The following SGCD variants were observed in gnomAD, a reference collection of about 807,000 sequenced individuals.
The protein encoded by SGCD is delta-sarcoglycan.
In SGCD, 18 loss-of-function variants were observed where a neutral mutation model predicts 36.6. That is an observed-to-expected ratio of 0.49 (90% CI 0.34 to 0.73). The LOEUF is 0.73. Among genes scored for constraint, SGCD ranks in the 30% least tolerant of loss-of-function variants. The probability of loss-of-function intolerance (pLI) is 0.01; values close to 1 mark genes in which losing one functional copy is unlikely to be tolerated. For synonymous variants in SGCD, 133 were observed against 130.6 expected, an observed-to-expected ratio of 1.02 and a Z score of -0.12; for missense variants, 387 against 346.7, an observed-to-expected ratio of 1.12 and a Z score of -0.92.
intron 7 of SGCD, among the ~76,000 whole-genome samples, chr5:156,725,028 T>A (rs748005118): frequency 6.6e-6 from 1 of 152,208 alleles, no homozygotes; most frequent in East Asian, 1.9e-4. Context: ...AGAAATGGAA[T>A]CCTAGGTAGT....
chr5:156,286,349 A>G lies in SGCD; in HGVS notation c.-43-43185A>G, dbSNP rs188482550. Among the ~76,000 whole-genome samples the G allele has an allele frequency of 7.3e-3, 1,111 of 152,352 alleles. 10 individuals are homozygous for G. Among genetic ancestry groups the G allele is most frequent in the African/African-American group, 0.026 (1,076 of 41,590 alleles). On this transcript the variant is annotated intron_variant, in intron 3 of 9. Coordinates refer to the SGCD transcript ENST00000517913. ...GTATATACCCAAAGGATTATAAATC[A>G]TGCTGCTATAAAGACACATGCACAC...
intron 3 of SGCD, among the ~76,000 whole-genome samples, chr5:156,375,100 C>G (rs546028294): frequency 3.9e-4 from 59 of 152,238 alleles, no homozygotes; most frequent in Non-Finnish European, 6.2e-4. Context: ...TTACATTTCA[C>G]TTCATTTGCT....
intron 1 of SGCD, among the ~76,000 whole-genome samples, chr5:156,092,278 C>T (rs1020630865): frequency 2.6e-5 from 4 of 152,304 alleles, no homozygotes; most frequent in Admixed American, 2.0e-4. Context: ...CGTTAGGCTC[C>T]TTTTGCCCTG....
the SGCD span, among the ~76,000 whole-genome samples, chr5:155,829,212 C>A: frequency 2.0e-5 from 3 of 152,102 alleles, no homozygotes; most frequent in African/African-American, 7.2e-5. Flanking sequence ...ATACACCTTT[C>A]TTGACATTTG....
intron 7 of SGCD, among the ~76,000 whole-genome samples, chr5:156,679,850 T>G (rs1561853722): frequency 6.6e-6 from 1 of 152,206 alleles, no homozygotes; most frequent in Non-Finnish European, 1.5e-5. Flanking sequence ...TGTATCACTT[T>G]AGTTATCTTC....
At chr5:156,212,368 A>C (rs1474843496) in intron 3 of SGCD, among the ~76,000 whole-genome samples, 1 of 152,188 alleles carries the variant, frequency 6.6e-6, no homozygotes, top group African/African-American at 2.4e-5. Flanking sequence ...GATAAAATAG[A>C]CCTTAAGTCA....
the SGCD span, among the ~76,000 whole-genome samples, chr5:155,830,203 T>C: frequency 6.6e-6 from 1 of 152,202 alleles, no homozygotes; most frequent in Non-Finnish European, 1.5e-5. Context: ...ATTTATTTTC[T>C]TACTGTGTTG....
chr5:155,841,113 C>T, the SGCD span, among the ~76,000 whole-genome samples: 2 of 149,246 alleles, frequency 1.3e-5, no homozygotes, highest in Non-Finnish European at 3.0e-5. Flanking sequence ...AACAGATGTA[C>T]AGGCCGAGGG....
chr5:156,715,825 A>G (rs1755197189), intron 7 of SGCD, among the ~76,000 whole-genome samples: 1 of 152,194 alleles, frequency 6.6e-6, no homozygotes, highest in Non-Finnish European at 1.5e-5. Context: ...GGCATAGAGC[A>G]AGTACTTTTC....
At position 156,140,355 on chromosome 5, in the gene SGCD, A is replaced by G. The variant is rs1022852680; in HGVS notation, c.-44+16336A>G. Among the ~76,000 whole-genome samples the G allele has an allele frequency of 3.3e-5, 5 of 152,184 alleles. No individual in the cohort carries two copies. The South Asian group carries it at 6.2e-4, about 19-fold the overall frequency. ...GGCTCAGAAGAAGAGAGATGTCGAG[A>G]AAGGCTGTCTTAAAGATGATCTAAG... On this transcript the variant is annotated intron_variant, in intron 3 of 9. Transcript: ENST00000517913.
intron 1 of SGCD, among the ~76,000 whole-genome samples, chr5:156,112,718 G>T (rs188689679): frequency 6.6e-6 from 1 of 152,224 alleles, no homozygotes; most frequent in African/African-American, 2.4e-5. Flanking sequence ...TTGTTTGTTT[G>T]CACGGCCATT....
chr5:156,648,696 A>G (rs1046643377), intron 7 of SGCD, among the ~76,000 whole-genome samples: 15 of 152,188 alleles, frequency 9.9e-5, no homozygotes, highest in Admixed American at 6.5e-5. Flanking sequence ...TTTTACTAGC[A>G]TAACTATCTT....
chr5:156,018,685 T>C (rs1017523342), intron 1 of SGCD, among the ~76,000 whole-genome samples: 1 of 152,204 alleles, frequency 6.6e-6, no homozygotes, highest in African/African-American at 2.4e-5. Flanking sequence ...TGAGCTAGGT[T>C]ATCAGAAACA....
chr5:156,198,907 G>T (rs1412224496), intron 3 of SGCD, among the ~76,000 whole-genome samples: 1 of 151,926 alleles, frequency 6.6e-6, no homozygotes, highest in Admixed American at 6.6e-5. Flanking sequence ...TGTTGCCTTG[G>T]TTGGATTCAA....
At chr5:156,477,912 A>G (rs918101550) in intron 3 of SGCD, among the ~76,000 whole-genome samples, 3 of 152,052 alleles carry the variant, frequency 2.0e-5, no homozygotes, top group African/African-American at 4.8e-5. Context: ...AAAAAATAAT[A>G]TTTTTATGAA....
intron 3 of SGCD, among the ~76,000 whole-genome samples, chr5:156,472,112 T>C (rs1460108499): frequency 6.6e-6 from 1 of 152,086 alleles, no homozygotes; most frequent in African/African-American, 2.4e-5. Context: ...CTAAACCAAG[T>C]GTTGAGGATA....
the SGCD span, among the ~76,000 whole-genome samples, chr5:155,852,077 G>C: frequency 6.6e-6 from 1 of 152,204 alleles, no homozygotes; most frequent in East Asian, 1.9e-4. Context: ...GATAATGACA[G>C]GACTTGCTGT....
chr5:156,192,182 A>C (rs1182181942), intron 3 of SGCD, among the ~76,000 whole-genome samples: 1 of 152,150 alleles, frequency 6.6e-6, no homozygotes, highest in East Asian at 1.9e-4. Context: ...TAATCTTATG[A>C]TAGTGATGCA....
intron 1 of SGCD, among the ~76,000 whole-genome samples, chr5:156,021,256 A>G (rs1759090285): frequency 6.6e-6 from 1 of 152,082 alleles, no homozygotes; most frequent in Admixed American, 6.6e-5. Context: ...AGTTTAAATA[A>G]ATCATTTATT....
Sources: gnomAD v4.1 joint callset for allele counts (sites outside exome capture counted in the v4.1 genomes callset) on GRCh38, gnomAD v4.1.1 for gene constraint, MANE v1.5 for transcripts, NCBI Gene and HGNC (gene_info 2026-07-23, HGNC 2026-07-21) for gene names.